Variants in PCCB observed in about 807,000 individuals in gnomAD.
The protein encoded by PCCB is propionyl-CoA carboxylase beta chain, mitochondrial.
Under a neutral mutation model 60.7 loss-of-function variants are expected in PCCB, and 43 were observed. The observed-to-expected ratio is 0.71, with a 90% confidence interval of 0.55 to 0.91. The LOEUF (loss-of-function observed/expected upper bound fraction) is 0.91. Ranked by LOEUF, PCCB falls within the 40% of genes least tolerant of loss-of-function variation. The pLI is 0.00. For missense variants in PCCB, 766 were observed against 702.8 expected, an observed-to-expected ratio of 1.09 and a Z score of -1.02; for synonymous variants, 276 against 255.9, an observed-to-expected ratio of 1.08 and a Z score of -0.75.
At chr3:136,299,796 A>ATGTG (rs1320681515) in intron 8 of PCCB, among the ~76,000 whole-genome samples, 22 of 151,156 alleles carry the variant, frequency 1.5e-4, no homozygotes, top group African/African-American at 3.7e-4. Flanking sequence ...ATGTATATGC[A>ATGTG]TGTGTATGTA....
chr3:136,312,115 A>G (rs1934690345), intron 9 of PCCB, among the ~76,000 whole-genome samples: 1 of 152,268 alleles, frequency 6.6e-6, no homozygotes, highest in Admixed American at 6.5e-5. Flanking sequence ...AAAGAGCCAG[A>G]AATAGACTCA....
At position 136,300,949 on chromosome 3, in the gene PCCB, C is replaced by T; in HGVS notation, c.885-81C>T. 3 of 990,034 alleles carry T rather than the reference C, an allele frequency of 3.0e-6. No individual in the cohort carries two copies. In the East Asian group the frequency reaches 7.2e-5, roughly 24 times the overall value. 61.3% of individuals were successfully genotyped at this position (990,034 alleles called of 1,614,324 possible). On this transcript the variant is annotated intron_variant, in intron 8 of 14. Coordinates refer to ENST00000251654, the MANE Select transcript of PCCB (RefSeq NM_000532.5). Reference sequence around the variant, plus strand: ...GCCCAGTCCCTATGACGTGTCACCCCATTTCCTTTCCCACCCCATTCCCAC... The same window carrying T: ...GCCCAGTCCCTATGACGTGTCACCCTATTTCCTTTCCCACCCCATTCCCAC...
At chr3:136,306,330 A>C (rs980630730) in intron 9 of PCCB, among the ~76,000 whole-genome samples, 1 of 122,064 alleles carries the variant, frequency 8.2e-6, no homozygotes, top group African/African-American at 2.5e-5. Context: ...ATGGAGAGAT[A>C]ATAGTAAGAA....
intron 5 of PCCB, among the ~76,000 whole-genome samples, chr3:136,281,932 C>G (rs1385752488): frequency 6.6e-6 from 1 of 152,118 alleles, no homozygotes; most frequent in Admixed American, 6.5e-5. Context: ...ATGTCTGTCT[C>G]CCAGAAGTGT....
rs766168941 is a variant in PCCB at position 136,255,879 on chromosome 3, G to T, written c.207G>T (p.Arg69Ser). Residue 69 changes from arginine (R) to serine (S), a missense_variant, in exon 2 of 15, where the codon AGG becomes AGT. By Grantham distance (110) the Arg-to-Ser change is moderately radical (BLOSUM62 -1). Coordinates refer to ENST00000251654, the MANE Select transcript of PCCB (RefSeq NM_000532.5). Reference sequence around the variant, plus strand: ...AGGGAAAGCTAACAGCCAGGGAGAGGATCAGTCTCTTGCTGGACCCTGGCA... The same window carrying T: ...AGGGAAAGCTAACAGCCAGGGAGAGTATCAGTCTCTTGCTGGACCCTGGCA... ...HKRGKLTARE[R>S]ISLLLDPGSF... The T allele has an allele frequency of 6.2e-7, 1 of 1,613,988 alleles. No homozygotes were observed. The highest frequency in any genetic ancestry group is 8.5e-7 in the Non-Finnish European group (1 of 1,179,964).
chr3:136,304,174 A>G, intron 9 of PCCB, among the ~76,000 whole-genome samples: 1 of 106,658 alleles, frequency 9.4e-6, no homozygotes, highest in African/African-American at 2.8e-5. Flanking sequence ...TTTCCCTCAG[A>G]GACAGGGTCT....
intron 9 of PCCB, 66 bp from the exon 10 acceptor site, chr3:136,316,875 G>T: frequency 1.9e-6 from 3 of 1,540,490 alleles, no homozygotes; most frequent in Non-Finnish European, 1.8e-6. Flanking sequence ...ATGTCATTCT[G>T]TAGTGTCATT....
At chr3:136,321,725 G>A (rs552752121) in intron 10 of PCCB, among the ~76,000 whole-genome samples, 5 of 152,286 alleles carry the variant, frequency 3.3e-5, no homozygotes, top group African/African-American at 9.6e-5. Flanking sequence ...GATGAGATTT[G>A]GGCGGGCACA....
intron 9 of PCCB, among the ~76,000 whole-genome samples, chr3:136,309,930 C>T (rs920904813): frequency 6.6e-6 from 1 of 152,010 alleles, no homozygotes; most frequent in African/African-American, 2.4e-5. Context: ...GAAGGAATTA[C>T]TTCACCAAAA....
intron 1 of PCCB, among the ~76,000 whole-genome samples, chr3:136,253,653 G>A (rs919990851): frequency 2.0e-5 from 3 of 151,006 alleles, no homozygotes; most frequent in Admixed American, 6.6e-5. Flanking sequence ...CCAAAGTGCT[G>A]GGATGACAGA....
At chr3:136,311,309 ATATT>A (rs1228199126) in intron 9 of PCCB, among the ~76,000 whole-genome samples, 4 of 152,150 alleles carry the variant, frequency 2.6e-5, no homozygotes, top group Non-Finnish European at 5.9e-5. Context: ...GGAAGATAAA[ATATT>A]TAGTAATAAT....
intron 5 of PCCB, among the ~76,000 whole-genome samples, chr3:136,277,503 A>G (rs150380436): frequency 2.6e-5 from 4 of 151,888 alleles, no homozygotes; most frequent in Non-Finnish European, 5.9e-5. Flanking sequence ...CTTTGTATTA[A>G]GTAACCAGGG....
intron 6 of PCCB, 119 bp from the exon 7 acceptor site, chr3:136,293,637 A>G (rs926785578): frequency 1.3e-6 from 1 of 777,320 alleles, no homozygotes; most frequent in East Asian, 2.4e-5. Flanking sequence ...GCTACATCCT[A>G]TCCTCATTCA....
intron 5 of PCCB, among the ~76,000 whole-genome samples, chr3:136,273,822 G>A (rs1223482685): frequency 7.0e-6 from 1 of 143,536 alleles, no homozygotes; most frequent in African/African-American, 2.5e-5. Flanking sequence ...TGAGGCAGGA[G>A]AATGGCGTGA....
chr3:136,285,402 CA>C (rs544887566), intron 6 of PCCB, among the ~76,000 whole-genome samples: 95 of 152,230 alleles, frequency 6.2e-4, no homozygotes, highest in African/African-American at 2.3e-3. Flanking sequence ...ATCCTCCCAT[CA>C]AAACTTAATC....
chr3:136,280,025 T>C (rs1942434933), intron 5 of PCCB, among the ~76,000 whole-genome samples: 1 of 152,218 alleles, frequency 6.6e-6, no homozygotes, highest in Non-Finnish European at 1.5e-5. Context: ...GGGCCGCAAC[T>C]GCTGAGAGGA....
At chr3:136,258,304 C>T (rs1049784808) in intron 3 of PCCB, among the ~76,000 whole-genome samples, 3 of 152,056 alleles carry the variant, frequency 2.0e-5, no homozygotes, top group African/African-American at 4.8e-5. Flanking sequence ...CCTGAAGAAG[C>T]GAATCATTTT....
intron 5 of PCCB, among the ~76,000 whole-genome samples, chr3:136,277,022 G>A (rs142846312): frequency 6.6e-6 from 1 of 152,298 alleles, no homozygotes; most frequent in Non-Finnish European, 1.5e-5. Flanking sequence ...ACTCCAGGCT[G>A]GTGCTGGGGA....
At chr3:136,315,675 A>ATAATTTT (rs1934862673) in intron 9 of PCCB, among the ~76,000 whole-genome samples, 1 of 150,346 alleles carries the variant, frequency 6.7e-6, no homozygotes, top group Non-Finnish European at 1.5e-5. Context: ...TACAAAAAAT[A>ATAATTTT]TAATTTTTTT....
Sources: gnomAD v4.1 joint callset for allele counts (sites outside exome capture counted in the v4.1 genomes callset) on GRCh38, gnomAD v4.1.1 for gene constraint, MANE v1.5 for transcripts, NCBI Gene and HGNC (gene_info 2026-07-23, HGNC 2026-07-21) for gene names.